FOXF1: variants seen among roughly 807,000 people sequenced by gnomAD.
FOXF1 encodes the protein forkhead box protein F1.
FOXF1 carries 9 observed loss-of-function variants against 26.6 expected under a neutral mutation model. The observed-to-expected ratio is 0.34, with a 90% CI of 0.20 to 0.59. FOXF1 has a LOEUF of 0.59. FOXF1 is among the 20% of genes least tolerant of loss of function. The pLI, the probability that FOXF1 is intolerant of heterozygous loss-of-function variation, is 0.83. For missense variants in FOXF1, 499 were observed against 549.9 expected, an observed-to-expected ratio of 0.91 and a Z score of 0.93; for synonymous variants, 330 against 257.7, an observed-to-expected ratio of 1.28 and a Z score of -2.69.
At position 86,510,728 on chromosome 16, in the gene FOXF1, C is replaced by T. The variant is rs745639084; in HGVS notation, c.159C>T (p.Tyr53=). The T allele has an allele frequency of 5.0e-6, 8 of 1,613,924 alleles. No homozygotes were observed. In the South Asian group the frequency reaches 7.7e-5, roughly 16 times the overall value. The part of the protein sequence containing the change: ...IRRPEKPPYS[Y]IALIVMAIQS... ...GCCCGGAGAAGCCGCCCTATTCCTACATCGCGCTCATCGTCATGGCCATCC... is the reference window on the plus strand; with the variant it reads ...GCCCGGAGAAGCCGCCCTATTCCTATATCGCGCTCATCGTCATGGCCATCC... The change falls in exon 1 of 2, where the codon TAC becomes TAT. Residue 53 remains tyrosine, a synonymous_variant. Transcript: ENST00000262426.
Position 86,513,136 on chromosome 16 carries a change from T to C in FOXF1, c.*51T>C. The C allele has an allele frequency of 4.4e-6, 7 of 1,586,712 alleles. No homozygotes were observed. Among genetic ancestry groups the C allele is most frequent in the Non-Finnish European group, 6.0e-6 (7 of 1,165,070 alleles). ...GCAGGCAGGCGGGTCACAGGGACCC[T>C]GGACCGGCACAAGAAACTGCTTTCT... is the stretch of plus-strand genomic sequence containing the variant. On this transcript the variant is annotated 3_prime_UTR_variant, in exon 2 of 2. Transcript: ENST00000262426.
In FOXF1 at chr16:86,510,601, C is replaced by T; in HGVS notation, c.32C>T (p.Pro11Leu). Reference sequence around the variant, plus strand: ...TCGGCGCCCGAGAAGCAGCAGCCACCGCACGGCGGCGGCGGCGGCGGCGGC... The same window carrying T: ...TCGGCGCCCGAGAAGCAGCAGCCACTGCACGGCGGCGGCGGCGGCGGCGGC... Reference protein sequence around the residue: MSSAPEKQQPPHGGGGGGGGG... With the variant: MSSAPEKQQPLHGGGGGGGGG... The change falls in exon 1 of 2, where the codon CCG becomes CTG. Residue 11 changes from proline (P) to leucine (L), a missense_variant. By Grantham distance (98) the Pro-to-Leu change is moderately conservative (BLOSUM62 -3). Transcript: ENST00000262426. 6 of 1,387,732 alleles carry T rather than the reference C, an allele frequency of 4.3e-6. No homozygotes were observed. The highest frequency in any genetic ancestry group is 1.8e-5 in the South Asian group (1 of 56,114). 86.0% of individuals were successfully genotyped at this position (1,387,732 alleles called of 1,614,324 possible).
In FOXF1 at chr16:86,513,076, C is replaced by T. The variant is rs776945484; in HGVS notation, c.1131C>T (p.Cys377=). ...QQVTYQDIKP[C]VM ...TCACCTACCAAGACATCAAGCCTTGCGTGATGTGAGGCTGCCGCCGCAGGC... is the reference window on the plus strand; with the variant it reads ...TCACCTACCAAGACATCAAGCCTTGTGTGATGTGAGGCTGCCGCCGCAGGC... Residue 377 remains cysteine, a synonymous_variant, in exon 2 of 2, where the codon TGC becomes TGT. Coordinates refer to ENST00000262426, the MANE Select transcript of FOXF1 (RefSeq NM_001451.3). 26 of 1,611,706 alleles carry T rather than the reference C, an allele frequency of 1.6e-5. No individual in the cohort carries two copies. The East Asian group carries it at 2.0e-4, about 12-fold the overall frequency.
At chr16:86,512,689 A>G (rs570900601) in intron 1 of FOXF1, among the ~76,000 whole-genome samples, 4 of 151,884 alleles carry the variant, frequency 2.6e-5, no homozygotes, top group South Asian at 4.1e-4. Context: ...ACAGGCACGC[A>G]GCAGGCAGGC....
In FOXF1 at chr16:86,513,105, C is replaced by T; in HGVS notation, c.*20C>T. The T allele has an allele frequency of 6.2e-7, 1 of 1,608,288 alleles. No homozygotes were observed. Among genetic ancestry groups the T allele is most frequent in the Non-Finnish European group, 8.5e-7 (1 of 1,179,742 alleles). ...ATGTGAGGCTGCCGCCGCAGGCCCT[C>T]CTGGTGCAGGCAGGCGGGTCACAGG... On this transcript the variant is annotated 3_prime_UTR_variant, in exon 2 of 2. Transcript: ENST00000262426.
Position 86,510,734 on chromosome 16 carries a change from G to T in FOXF1, c.165G>T (p.Ala55=), listed in dbSNP as rs1369327650. The change falls in exon 1 of 2, where the codon GCG becomes GCT. Residue 55 remains alanine, a synonymous_variant. Coordinates refer to ENST00000262426, the MANE Select transcript of FOXF1 (RefSeq NM_001451.3). ...RPEKPPYSYI[A]LIVMAIQSSP... Reference sequence around the variant, plus strand: ...AGAAGCCGCCCTATTCCTACATCGCGCTCATCGTCATGGCCATCCAGAGTT... The same window carrying T: ...AGAAGCCGCCCTATTCCTACATCGCTCTCATCGTCATGGCCATCCAGAGTT... 1.2e-6 allele frequency: 2 copies of T among 1,613,882 alleles called. No homozygotes were observed. The highest frequency in any genetic ancestry group is 1.3e-5 in the African/African-American group (1 of 75,044).
Position 86,510,636 on chromosome 16 carries a change from G to A in FOXF1, c.67G>A (p.Gly23Ser). The change falls in exon 1 of 2, where the codon GGC becomes AGC. Residue 23 changes from glycine to serine, a missense_variant. Physicochemically the swap from Gly to Ser is moderately conservative, Grantham distance 56. This residue lies in a region of FOXF1 where 76 missense variants were observed against 78.9 expected (regional missense o/e 0.96). Transcript: ENST00000262426. ...CGGCGGCGGCGGCGGCGGGGGAGGC[G>A]GCGCGGCCATGGACCCCGCGTCGTC... is the stretch of plus-strand genomic sequence containing the variant. ...GGGGGGGGGG[G>S]AAMDPASSGP... is the part of the protein sequence containing the mutation. The A allele has an allele frequency of 1.4e-6, 2 of 1,433,098 alleles. No individual in the cohort carries two copies. The highest frequency in any genetic ancestry group is 1.8e-6 in the Non-Finnish European group (2 of 1,101,768). The allele number at this position is 1,433,098 out of a possible 1,614,324, so 88.8% of individuals were successfully genotyped here.
At chr16:86,512,791 G>A (rs71390834) in intron 1 of FOXF1, 134 bp from the exon 2 acceptor site, 1 of 992,096 alleles carries the variant, frequency 1.0e-6, no homozygotes. Flanking sequence ...GGAGAGCGGG[G>A]AGGCGGCCGT....
chr16:86,513,095 C>G lies in FOXF1; in HGVS notation c.*10C>G, dbSNP rs779788319. The G allele has an allele frequency of 6.2e-7, 1 of 1,609,596 alleles. No individual in the cohort carries two copies. The highest frequency in any genetic ancestry group is 1.7e-4 in the Middle Eastern group (1 of 6,060). ...GCCTTGCGTGATGTGAGGCTGCCGCCGCAGGCCCTCCTGGTGCAGGCAGGC... is the reference window on the plus strand; with the variant it reads ...GCCTTGCGTGATGTGAGGCTGCCGCGGCAGGCCCTCCTGGTGCAGGCAGGC... On this transcript the variant is annotated 3_prime_UTR_variant, in exon 2 of 2. Coordinates refer to ENST00000262426, the MANE Select transcript of FOXF1 (RefSeq NM_001451.3).
rs1249273457 is a variant in FOXF1 at position 86,513,094 on chromosome 16, C to T, written c.*9C>T. On this transcript the variant is annotated 3_prime_UTR_variant, in exon 2 of 2. Coordinates refer to ENST00000262426, the MANE Select transcript of FOXF1 (RefSeq NM_001451.3). ...AGCCTTGCGTGATGTGAGGCTGCCG[C>T]CGCAGGCCCTCCTGGTGCAGGCAGG... is the stretch of plus-strand genomic sequence containing the variant. 11 of 1,609,916 alleles carry T rather than the reference C, an allele frequency of 6.8e-6. No individual in the cohort carries two copies. Among genetic ancestry groups the T allele is most frequent in the Non-Finnish European group, 9.3e-6 (11 of 1,179,884 alleles).
rs1969597520 is a variant in FOXF1, at chr16:86,513,298, A to G, written c.*213A>G. ...CTCACTCCTTCAAAATTGTTAAGAA[A>G]TGTTAGTGGTGGGTCTGATCTGACT... On this transcript the variant is annotated 3_prime_UTR_variant, in exon 2 of 2. Transcript: ENST00000262426. 6 of 582,534 alleles carry G rather than the reference A, an allele frequency of 1.0e-5. No homozygotes were observed. The allele number at this position is 582,534 out of a possible 1,614,324, so 36.1% of individuals were successfully genotyped here.
In FOXF1 at chr16:86,515,017, G is replaced by T. The variant is rs1969625253; in HGVS notation, c.*1932G>T. 1 of 151,976 alleles carries T rather than the reference G, an allele frequency of 6.6e-6. No homozygotes were observed. Among genetic ancestry groups the T allele is most frequent in the Middle Eastern group, 3.4e-3 (1 of 292 alleles). 9.4% of individuals were successfully genotyped at this position (151,976 alleles called of 1,614,324 possible). ...TGTCTTGTTTTGTTTTGGCTTTTTG[G>T]TGCCTTGTTCTTGGTTTTCCCCGAT... On this transcript the variant is annotated 3_prime_UTR_variant, in exon 2 of 2. Transcript: ENST00000262426. This position sits in a 1 kb window ranked among gnomAD's most constrained non-coding sequence, Gnocchi z 4.1.
At position 86,514,749 on chromosome 16, in the gene FOXF1, A is replaced by G. The variant is rs1969621324; in HGVS notation, c.*1664A>G. On this transcript the variant is annotated 3_prime_UTR_variant, in exon 2 of 2. Coordinates refer to ENST00000262426, the MANE Select transcript of FOXF1 (RefSeq NM_001451.3). ...AAGAAATAAACTTTTAAAGAACACT[A>G]TAGACCTCCTTCCCCTAGGGAACAC... 1.3e-5 allele frequency: 2 copies of G among 152,142 alleles called. No homozygotes were observed. The highest frequency in any genetic ancestry group is 2.9e-5 in the Non-Finnish European group (2 of 68,026). 9.4% of individuals were successfully genotyped at this position (152,142 alleles called of 1,614,324 possible).
At position 86,513,048 on chromosome 16, in the gene FOXF1, A is replaced by C. The variant is rs1008033720; in HGVS notation, c.1103A>C (p.Gln368Pro). 1 of 1,613,266 alleles carries C rather than the reference A, an allele frequency of 6.2e-7. No individual in the cohort carries two copies. Among genetic ancestry groups the C allele is most frequent in the Non-Finnish European group, 8.5e-7 (1 of 1,180,028 alleles). The change falls in exon 2 of 2, where the codon CAG (glutamine) becomes CCG (proline). Residue 368 changes from glutamine (Q) to proline (P), a missense_variant. This residue lies in a region of FOXF1 where 367 missense variants were observed against 324.8 expected (regional missense o/e 1.13). Transcript: ENST00000262426. The part of the protein sequence containing the change: ...SAGGGSYYHQ[Q>P]VTYQDIKPCV... ...GGCGGGGGCTCCTACTACCACCAGCAGGTCACCTACCAAGACATCAAGCCT... is the reference window on the plus strand; with the variant it reads ...GGCGGGGGCTCCTACTACCACCAGCCGGTCACCTACCAAGACATCAAGCCT...
rs1319638533 is a variant in FOXF1, at chr16:86,514,547, A to C, written c.*1462A>C. 1 of 152,126 alleles carries C rather than the reference A, an allele frequency of 6.6e-6. No individual in the cohort carries two copies. Among genetic ancestry groups the C allele is most frequent in the Non-Finnish European group, 1.5e-5 (1 of 68,034 alleles). The allele number at this position is 152,126 out of a possible 1,614,324, so 9.4% of individuals were successfully genotyped here. ...GAAAAAACAGGCTTTGGATCTCTAG[A>C]CGCTTAAAAATTTACAATCTGGGTG... On this transcript the variant is annotated 3_prime_UTR_variant, in exon 2 of 2. Transcript: ENST00000262426.
Position 86,511,596 on chromosome 16 carries a change from G to C in FOXF1, c.979+48G>C, listed in dbSNP as rs1203492778. The C allele has an allele frequency of 2.6e-6, 4 of 1,544,442 alleles. No homozygotes were observed. In the South Asian group the frequency reaches 3.5e-5, roughly 14 times the overall value. On this transcript the variant is annotated intron_variant, in intron 1 of 1. Transcript: ENST00000262426. The stretch of plus-strand genomic sequence containing the variant: ...CCCTGGTCCCCGGGAAGTCGAGTCT[G>C]AGTGGCAGCGGGACCCAGCTGGGGC...
rs1270185494 is a variant in FOXF1 at position 86,511,518 on chromosome 16, A to C, written c.949A>C (p.Asn317His). ...HSLEQPYLHQ[N>H]SHNAPAELQG... is the part of the protein sequence containing the mutation. ...CCTGGAGCAGCCGTATCTGCACCAG[A>C]ACAGCCACAACGCCCCAGCCGAGCT... The change falls in exon 1 of 2, where the codon AAC (asparagine) becomes CAC (histidine). Residue 317 changes from asparagine to histidine, a missense_variant. Physicochemically the swap from Asn to His is moderately conservative, Grantham distance 68. Transcript: ENST00000262426. 1 of 1,584,776 alleles carries C rather than the reference A, an allele frequency of 6.3e-7. No individual in the cohort carries two copies. Among genetic ancestry groups the C allele is most frequent in the Non-Finnish European group, 8.5e-7 (1 of 1,174,242 alleles).
In FOXF1 at chr16:86,511,457, G is replaced by A. The variant is rs1164462469; in HGVS notation, c.888G>A (p.Ala296=). ...AGCCCCTGTCCCCCTGTAACCCCGC[G>A]GCCAACCCCCTGTCCGGCAGCCTCT... The part of the protein sequence containing the change: ...KQQPLSPCNP[A]ANPLSGSLST... The change falls in exon 1 of 2, where the codon GCG becomes GCA. Residue 296 remains alanine (A), a synonymous_variant. Coordinates refer to ENST00000262426, the MANE Select transcript of FOXF1 (RefSeq NM_001451.3). 4 of 1,592,952 alleles carry A rather than the reference G, an allele frequency of 2.5e-6. No homozygotes were observed. Among genetic ancestry groups the A allele is most frequent in the Non-Finnish European group, 3.4e-6 (4 of 1,177,776 alleles).
At position 86,510,945 on chromosome 16, in the gene FOXF1, C is replaced by G. The variant is rs747596391; in HGVS notation, c.376C>G (p.Pro126Ala). 20 of 1,613,802 alleles carry G rather than the reference C, an allele frequency of 1.2e-5. No individual in the cohort carries two copies. Among genetic ancestry groups the G allele is most frequent in the Non-Finnish European group, 1.7e-5 (20 of 1,180,018 alleles). ...PGKGHYWTID[P>A]ASEFMFEEGS... is the part of the protein sequence containing the mutation. ...CAAGGGCCACTACTGGACCATCGACCCGGCCAGCGAGTTCATGTTCGAGGA... is the reference window on the plus strand; with the variant it reads ...CAAGGGCCACTACTGGACCATCGACGCGGCCAGCGAGTTCATGTTCGAGGA... The change falls in exon 1 of 2, where the codon CCG becomes GCG. Residue 126 changes from proline to alanine, a missense_variant. This residue lies in a region of FOXF1 where 36 missense variants were observed against 73.7 expected (regional missense o/e 0.49). Transcript: ENST00000262426.
Sources: allele counts gnomAD v4.1 joint callset (sites outside exome capture counted in the v4.1 genomes callset), GRCh38; gene constraint gnomAD v4.1.1; regional missense constraint gnomAD v4.1.1; non-coding constraint Gnocchi (gnomAD v3.1); transcripts MANE v1.5; gene names NCBI Gene and HGNC (gene_info 2026-07-23, HGNC 2026-07-21).